Variants in SLC9C2 observed in about 807,000 individuals in gnomAD.
SLC9C2 encodes the protein sodium/hydrogen exchanger 11.
SLC9C2 carries 75 observed loss-of-function variants against 140.2 expected under a neutral mutation model. The observed-to-expected ratio is 0.53, with a 90% CI of 0.44 to 0.65. The LOEUF is 0.65. SLC9C2 is among the 30% of genes least tolerant of loss of function. The pLI is 0.00. For synonymous variants in SLC9C2, 375 were observed against 420.9 expected, an observed-to-expected ratio of 0.89 and a Z score of 1.34; for missense variants, 1,074 against 1,331.8, an observed-to-expected ratio of 0.81 and a Z score of 3.01.
rs755258620 is a variant in SLC9C2 at position 173,501,062 on chromosome 1, T to A, written c.*32A>T. ...GACTCCACACATCATATTTGTATCATTAATACCCTTTTCTAAAATGGTATC... is the reference window on the plus strand; with the variant it reads ...GACTCCACACATCATATTTGTATCAATAATACCCTTTTCTAAAATGGTATC... On this transcript the variant is annotated 3_prime_UTR_variant, in exon 28 of 28. Transcript: ENST00000367714. The A allele has an allele frequency of 1.3e-6, 2 of 1,531,152 alleles. No individual in the cohort carries two copies. Among genetic ancestry groups the A allele is most frequent in the Non-Finnish European group, 1.8e-6 (2 of 1,139,580 alleles). 94.8% of individuals were successfully genotyped at this position (1,531,152 alleles called of 1,614,324 possible).
intron 4 of SLC9C2, among the ~76,000 whole-genome samples, chr1:173,591,432 G>C (rs928444390): frequency 1.3e-5 from 2 of 151,968 alleles, no homozygotes; most frequent in Admixed American, 1.3e-4. Context: ...TCTATTTTTA[G>C]CTCTTTGAGG....
intron 13 of SLC9C2, among the ~76,000 whole-genome samples, chr1:173,537,853 A>T (rs1245286840): frequency 1.3e-5 from 2 of 152,186 alleles, no homozygotes; most frequent in Non-Finnish European, 2.9e-5. Flanking sequence ...TAGCTTCTAC[A>T]TGACACTGAC....
chr1:173,557,624 C>G, intron 9 of SLC9C2, 116 bp from the exon 10 acceptor site: 2 of 969,462 alleles, frequency 2.1e-6, no homozygotes, highest in Non-Finnish European at 1.5e-6. Flanking sequence ...AAGAAAAAAA[C>G]AATGCAATTT....
intron 11 of SLC9C2, among the ~76,000 whole-genome samples, chr1:173,551,132 T>G (rs1246111897): frequency 1.3e-5 from 2 of 152,178 alleles, no homozygotes; most frequent in Non-Finnish European, 2.9e-5. Context: ...AGAGCAGTGT[T>G]GTCTCTGAGT....
chr1:173,537,006 G>T lies in SLC9C2; in HGVS notation c.1591C>A (p.Leu531Ile). 1 of 1,613,696 alleles carries T rather than the reference G, an allele frequency of 6.2e-7. No homozygotes were observed. Among genetic ancestry groups the T allele is most frequent in the Non-Finnish European group, 8.5e-7 (1 of 1,179,798 alleles). ...AATATCCGGGCTGCCTCTATTTCAA[G>T]AATTCCATTGTTACGCTGTTTTTCA... is the stretch of plus-strand genomic sequence containing the variant. ...SFEKQRNNGI[L>I]EIEAARILIG... The change falls in exon 14 of 28, where the codon CTT becomes ATT. Residue 531 changes from leucine (L) to isoleucine (I), a missense_variant. Physicochemically the swap from Leu to Ile is conservative, Grantham distance 5. Transcript: ENST00000367714.
rs549649799 is a variant in SLC9C2 at position 173,579,481 on chromosome 1, G to A, written c.802+2366C>T. Among the ~76,000 whole-genome samples, 132 of 152,214 alleles carry A rather than the reference G, an allele frequency of 8.7e-4. 1 individual carries two copies. The highest frequency in any genetic ancestry group is 1.6e-3 in the Non-Finnish European group (106 of 68,022). On this transcript the variant is annotated intron_variant, in intron 7 of 27. Transcript: ENST00000367714. ...TCAGTCTCCCCATTTTACAGGTGAAGGAACTGAGGGTAAAGCTTAAACTAG... is the reference window on the plus strand; with the variant it reads ...TCAGTCTCCCCATTTTACAGGTGAAAGAACTGAGGGTAAAGCTTAAACTAG...
intron 4 of SLC9C2, among the ~76,000 whole-genome samples, chr1:173,597,426 T>C (rs984779985): frequency 1.3e-5 from 2 of 151,874 alleles, no homozygotes; most frequent in Non-Finnish European, 2.9e-5. Flanking sequence ...ATTCAAGATG[T>C]TAGAAAGAAC....
At chr1:173,536,034 G>C in intron 14 of SLC9C2, 85 bp from the exon 15 acceptor site, 2 of 1,235,084 alleles carry the variant, frequency 1.6e-6, no homozygotes, top group Non-Finnish European at 2.2e-6. Flanking sequence ...GGTGTACTAA[G>C]TATAAATTTA....
chr1:173,523,969 C>A lies in SLC9C2; in HGVS notation c.2640G>T (p.Lys880Asn). Residue 880 changes from lysine (K) to asparagine (N), a missense_variant and splice_region_variant, in exon 21 of 28, where the codon AAG (lysine) becomes AAT (asparagine). Transcript: ENST00000367714. ...CCAGAATAGAAAACGGAATCTTTAC[C>A]TTGAAGAAGTCAATGAGAACATCTT... ...EGKDVLIDFFKERAKLACFDS... is the reference protein window; with the variant it reads ...EGKDVLIDFFNERAKLACFDS... 1.2e-6 allele frequency: 2 copies of A among 1,606,648 alleles called. No individual in the cohort carries two copies. Among genetic ancestry groups the A allele is most frequent in the South Asian group, 1.1e-5 (1 of 88,980 alleles).
chr1:173,554,707 A>T (rs2102088297), intron 11 of SLC9C2, 26 bp downstream of exon 11: 1 of 1,452,518 alleles, frequency 6.9e-7, no homozygotes, highest in East Asian at 2.3e-5. Context: ...TCCCCAGCTA[A>T]TTCATGAATG....
intron 3 of SLC9C2, among the ~76,000 whole-genome samples, chr1:173,599,386 TTTTTTTG>T (rs1253448465): frequency 8.0e-6 from 1 of 124,504 alleles, no homozygotes; most frequent in Non-Finnish European, 1.7e-5. Flanking sequence ...TTTTTTTTTT[TTTTTTTG>T]AGACGGAGTC....
At chr1:173,550,872 AAGAGAGAGAG>A (rs143296396) in intron 11 of SLC9C2, among the ~76,000 whole-genome samples, 18 of 86,508 alleles carry the variant, frequency 2.1e-4, no homozygotes, top group Admixed American at 6.8e-4. Context: ...GAGCCGTTGA[AAGAGAGAGAG>A]AGAGAGAGAG....
intron 18 of SLC9C2, 39 bp downstream of exon 18, chr1:173,529,866 G>A (rs1661451739): frequency 6.3e-7 from 1 of 1,581,142 alleles, no homozygotes; most frequent in Non-Finnish European, 8.5e-7. Flanking sequence ...ATACACCTAA[G>A]GGGTTTTTCT....
intron 9 of SLC9C2, among the ~76,000 whole-genome samples, chr1:173,571,936 A>G (rs1186475282): frequency 6.6e-6 from 1 of 152,242 alleles, no homozygotes; most frequent in Middle Eastern, 3.2e-3. Context: ...AGCCACAATC[A>G]TGGCAAAAAC....
rs751094751 is a variant in SLC9C2 at position 173,557,331 on chromosome 1, C to G, written c.1215+9G>C. The G allele has an allele frequency of 1.9e-6, 3 of 1,606,492 alleles. No homozygotes were observed. In the South Asian group the frequency reaches 3.4e-5, roughly 18 times the overall value. ...AATATGAATAATCATGAGACATGAT[C>G]TTTCCTACCATTTGTGGTACTTCCA... On this transcript the variant is annotated intron_variant, in intron 10 of 27. Transcript: ENST00000367714.
At chr1:173,572,457 C>G (rs559002385) in intron 9 of SLC9C2, among the ~76,000 whole-genome samples, 34 of 152,122 alleles carry the variant, frequency 2.2e-4, no homozygotes, top group Non-Finnish European at 4.1e-4. Flanking sequence ...GACAAGCTAC[C>G]CTGGCCACCA....
chr1:173,508,954 G>C (rs1224695928), intron 24 of SLC9C2, among the ~76,000 whole-genome samples: 1 of 151,902 alleles, frequency 6.6e-6, no homozygotes. Context: ...CAGAGCGTTT[G>C]TTAACACATT....
chr1:173,545,539 G>A (rs1321228179), intron 13 of SLC9C2, among the ~76,000 whole-genome samples: 2 of 152,058 alleles, frequency 1.3e-5, no homozygotes, highest in East Asian at 1.9e-4. Context: ...TTGGGTGTCT[G>A]GGGGGCAGAT....
intron 27 of SLC9C2, among the ~76,000 whole-genome samples, chr1:173,501,505 C>CTTTTTTTTTTTTTT (rs35363966): frequency 1.0e-5 from 1 of 96,338 alleles, no homozygotes; most frequent in Non-Finnish European, 2.0e-5. Context: ...TTATTTGACT[C>CTTTTTTTTTTTTTT]TTTTTTTTTT....
Sources: gnomAD v4.1 joint callset for allele counts (sites outside exome capture counted in the v4.1 genomes callset) on GRCh38, gnomAD v4.1.1 for gene constraint, MANE v1.5 for transcripts, NCBI Gene and HGNC (gene_info 2026-07-23, HGNC 2026-07-21) for gene names.